The following FAM117B variants were observed in gnomAD, a reference collection of about 807,000 sequenced individuals.
FAM117B encodes protein FAM117B.
In FAM117B, 22 loss-of-function variants were observed where a neutral mutation model predicts 52.8. That is an observed-to-expected ratio of 0.42 (90% confidence interval 0.30 to 0.59). The LOEUF is 0.59. Ranked by LOEUF, FAM117B falls within the 20% of genes least tolerant of loss-of-function variation. The probability of loss-of-function intolerance (pLI) is 0.22; values close to 1 mark genes in which losing one functional copy is unlikely to be tolerated. For synonymous variants in FAM117B, 309 were observed against 324.1 expected (o/e 0.95, Z 0.50); for missense variants, 678 against 802.6 (o/e 0.84, Z 1.88).
At chr2:202,675,408 C>T (rs567182006) in intron 1 of FAM117B, among the ~76,000 whole-genome samples, 7 of 133,624 alleles carry the variant, frequency 5.2e-5, no homozygotes, top group Admixed American at 4.3e-4. Flanking sequence ...ATTGTGCCAC[C>T]GCACTACCGC....
chr2:202,743,922 G>A (rs2105794514), intron 4 of FAM117B, among the ~76,000 whole-genome samples: 1 of 152,316 alleles, frequency 6.6e-6, no homozygotes, highest in African/African-American at 2.4e-5. Context: ...ACTTCCAGAA[G>A]AAGAGATGGT....
chr2:202,760,124 A>G (rs1559117737), intron 7 of FAM117B, among the ~76,000 whole-genome samples: 1 of 152,260 alleles, frequency 6.6e-6, no homozygotes, highest in South Asian at 2.1e-4. Flanking sequence ...GTACTACTAT[A>G]TAACCACAGT....
intron 1 of FAM117B, among the ~76,000 whole-genome samples, chr2:202,680,496 A>G (rs1171789992): frequency 6.6e-6 from 1 of 152,200 alleles, no homozygotes; most frequent in East Asian, 1.9e-4. Context: ...CTCCAAGTTC[A>G]ATTAATCTCA....
Position 202,757,404 on chromosome 2 carries a change from A to C in FAM117B, c.1296A>C (p.Ser432=). 6.2e-7 allele frequency: 1 copy of C among 1,614,112 alleles called. No individual in the cohort carries two copies. Among genetic ancestry groups the C allele is most frequent in the Non-Finnish European group, 8.5e-7 (1 of 1,180,034 alleles). The part of the protein sequence containing the change: ...SNEGSEESPC[S]ADDLLVDPRD... The stretch of plus-strand genomic sequence containing the variant: ...AAGGTAGCGAGGAGAGTCCTTGCTC[A>C]GCGGATGACCTGCTTGTTGATCCCA... Residue 432 remains serine, a synonymous_variant, in exon 6 of 8, where the codon TCA becomes TCC. Coordinates refer to ENST00000392238, the MANE Select transcript of FAM117B (RefSeq NM_173511.4).
At chr2:202,637,844 A>C (rs1223888901) in intron 1 of FAM117B, among the ~76,000 whole-genome samples, 2 of 151,404 alleles carry the variant, frequency 1.3e-5, no homozygotes, top group South Asian at 4.2e-4. Flanking sequence ...TATATAGCAC[A>C]CCAAAATTAC....
At chr2:202,679,629 G>A (rs749111288) in intron 1 of FAM117B, among the ~76,000 whole-genome samples, 1 of 152,176 alleles carries the variant, frequency 6.6e-6, no homozygotes, top group Non-Finnish European at 1.5e-5. Flanking sequence ...AAAGGGCCGT[G>A]CCTTAAAAGT....
At chr2:202,717,796 A>G (rs557440186) in intron 2 of FAM117B, among the ~76,000 whole-genome samples, 26 of 151,798 alleles carry the variant, frequency 1.7e-4, no homozygotes, top group Non-Finnish European at 3.8e-4. Context: ...TGCTGTAACC[A>G]CTATCTGGCT....
chr2:202,755,488 A>C (rs1270463967), intron 4 of FAM117B, 50 bp from the exon 5 acceptor site: 2 of 1,589,870 alleles, frequency 1.3e-6, no homozygotes, highest in East Asian at 2.2e-5. Flanking sequence ...TTCAGCCTAG[A>C]AAATTAAAAG....
chr2:202,728,099 C>T (rs1050601775), intron 4 of FAM117B, among the ~76,000 whole-genome samples: 6 of 152,160 alleles, frequency 3.9e-5, no homozygotes, highest in Admixed American at 1.3e-4. Context: ...CCCACCTCAG[C>T]CTGCTGAGTA....
At chr2:202,751,488 G>A (rs1468410197) in intron 4 of FAM117B, among the ~76,000 whole-genome samples, 1 of 152,152 alleles carries the variant, frequency 6.6e-6, no homozygotes, top group East Asian at 1.9e-4. Context: ...TAGTTTTGAG[G>A]CTGGACACAG....
intron 1 of FAM117B, among the ~76,000 whole-genome samples, chr2:202,675,227 TA>T (rs540546949): frequency 7.1e-4 from 102 of 143,338 alleles, no homozygotes; most frequent in African/African-American, 9.6e-4. Context: ...CCCTGTCTCT[TA>T]AAAAAAAAAA....
chr2:202,755,024 GAC>G (rs1197199166), intron 4 of FAM117B, among the ~76,000 whole-genome samples: 19 of 151,796 alleles, frequency 1.3e-4, no homozygotes, highest in Admixed American at 1.2e-3. Flanking sequence ...AAGGGGGAAA[GAC>G]ACAGGTCACA....
intron 3 of FAM117B, among the ~76,000 whole-genome samples, chr2:202,725,397 C>A (rs1691225890): frequency 6.6e-6 from 1 of 150,910 alleles, no homozygotes; most frequent in Admixed American, 6.6e-5. Context: ...TGGCTCACTG[C>A]AGGCTCTGCC....
At chr2:202,761,610 T>C (rs1159906540) in intron 7 of FAM117B, among the ~76,000 whole-genome samples, 1 of 152,210 alleles carries the variant, frequency 6.6e-6, no homozygotes, top group African/African-American at 2.4e-5. Flanking sequence ...CACTGCAACC[T>C]CTGCCACCCA....
chr2:202,641,415 A>G (rs1689767816), intron 1 of FAM117B, among the ~76,000 whole-genome samples: 1 of 152,338 alleles, frequency 6.6e-6, no homozygotes, highest in Non-Finnish European at 1.5e-5. Flanking sequence ...GAATATATAC[A>G]TTAGAAAGTA....
chr2:202,708,666 C>T (rs891877655), intron 2 of FAM117B, among the ~76,000 whole-genome samples: 2 of 152,112 alleles, frequency 1.3e-5, no homozygotes, highest in Admixed American at 6.6e-5. Context: ...AATACAGTGG[C>T]GTGATCTTAG....
intron 1 of FAM117B, among the ~76,000 whole-genome samples, chr2:202,654,838 T>G (rs945590044): frequency 1.3e-5 from 2 of 152,254 alleles, no homozygotes; most frequent in Admixed American, 6.5e-5. Flanking sequence ...ATTTATAAAC[T>G]TCTAGTGGGC....
chr2:202,652,418 C>A (rs1158692316), intron 1 of FAM117B, among the ~76,000 whole-genome samples: 5 of 152,108 alleles, frequency 3.3e-5, no homozygotes, highest in African/African-American at 1.2e-4. Context: ...TATTTTAGAA[C>A]CCGTGCTCAC....
intron 4 of FAM117B, among the ~76,000 whole-genome samples, chr2:202,738,122 A>G (rs1471474414): frequency 6.6e-6 from 1 of 152,124 alleles, no homozygotes; most frequent in African/African-American, 2.4e-5. Flanking sequence ...GGTTGTTGTT[A>G]TTAGTTTTGA....
Sources: allele counts gnomAD v4.1 joint callset (sites outside exome capture counted in the v4.1 genomes callset), GRCh38; gene constraint gnomAD v4.1.1; transcripts MANE v1.5; gene names NCBI Gene and HGNC (gene_info 2026-07-23, HGNC 2026-07-21).